Variants in CDC27 observed in about 807,000 individuals in gnomAD.
The protein encoded by CDC27 is cell division cycle 27.
CDC27 carries 27 observed loss-of-function variants against 109.7 expected under a neutral mutation model. The observed-to-expected ratio is 0.25, with a 90% CI of 0.18 to 0.34. The LOEUF is 0.34. Ranked by LOEUF, CDC27 falls within the 10% of genes least tolerant of loss-of-function variation. The pLI is 1.00. For missense variants in CDC27, 579 were observed against 960.2 expected (o/e 0.60, Z 5.25); for synonymous variants, 266 against 333.9 (o/e 0.80, Z 2.22).
chr17:47,189,209 G>A lies in CDC27; in HGVS notation c.-37C>T, dbSNP rs747099686. 17 of 1,576,954 alleles carry A rather than the reference G, an allele frequency of 1.1e-5. No individual in the cohort carries two copies. The Admixed American group carries it at 2.3e-4, about 22-fold the overall frequency. On this transcript the variant is annotated 5_prime_UTR_variant, in exon 1 of 19. Coordinates refer to ENST00000066544, the MANE Select transcript of CDC27 (RefSeq NM_001256.6). ...AGGCCCACTTTCTGCAGTGCCTCAG[G>A]CCCCCCCTGTAGCGGCTCCGGCCCG...
Position 47,143,884 on chromosome 17 carries a change from T to A in CDC27, c.1169A>T (p.Lys390Met). The A allele has an allele frequency of 7.1e-7, 1 of 1,417,960 alleles. No homozygotes were observed. Among genetic ancestry groups the A allele is most frequent in the Non-Finnish European group, 9.4e-7 (1 of 1,068,594 alleles). 87.8% of individuals were successfully genotyped at this position (1,417,960 alleles called of 1,614,324 possible). The change falls in exon 10 of 19, where the codon AAG (lysine) becomes ATG (methionine). Residue 390 changes from lysine to methionine, a missense_variant and splice_region_variant. Lys to Met is a moderately conservative substitution (Grantham distance 95). Transcript: ENST00000066544. The stretch of plus-strand genomic sequence containing the variant: ...GACATACAGAAATCTTTAAATTACC[T>A]TGGTTGTGGAGCTGTCACTAGTAAA... ...RLFTSDSSTT[K>M]ENSKKLKMKF...
intron 16 of CDC27, among the ~76,000 whole-genome samples, chr17:47,128,813 C>CAGGCTGGA (rs2062229881): frequency 1.3e-5 from 2 of 151,016 alleles, no homozygotes; most frequent in Admixed American, 1.3e-4. Flanking sequence ...CTCTGTCGCC[C>CAGGCTGGA]AGGCTGGAGA....
intron 12 of CDC27, among the ~76,000 whole-genome samples, chr17:47,140,857 T>C (rs1430947204): frequency 6.6e-6 from 1 of 152,218 alleles, no homozygotes; most frequent in Non-Finnish European, 1.5e-5. Context: ...TCTGTATGTA[T>C]TCCCTGTGGG....
intron 4 of CDC27, among the ~76,000 whole-genome samples, chr17:47,164,251 G>A (rs961174990): frequency 6.6e-6 from 1 of 152,148 alleles, no homozygotes; most frequent in Non-Finnish European, 1.5e-5. Context: ...CTAGGTTTGT[G>A]CATATGCACT....
rs1465690217 is a variant in CDC27, at chr17:47,120,398, G to A, written c.*537C>T. 1 of 153,288 alleles carries A rather than the reference G, an allele frequency of 6.5e-6. No individual in the cohort carries two copies. Among genetic ancestry groups the A allele is most frequent in the African/African-American group, 2.4e-5 (1 of 41,452 alleles). The allele number at this position is 153,288 out of a possible 1,614,324, so 9.5% of individuals were successfully genotyped here. A position where few individuals can be genotyped will look rare whatever the true frequency, so the allele number is the denominator to read the frequency against. On this transcript the variant is annotated 3_prime_UTR_variant, in exon 19 of 19. Transcript: ENST00000066544. ...ATTACATTTGTTTATGGGAGATACT[G>A]CAAGTTTAAGGTAATTTACATTCCT...
chr17:47,156,818 A>T (rs2063321034), intron 7 of CDC27, 95 bp downstream of exon 7: 6 of 466,002 alleles, frequency 1.3e-5, no homozygotes, highest in Admixed American at 7.8e-5. Context: ...GTGATTTAGA[A>T]GTTGCTGTTG....
chr17:47,124,835 G>C (rs185200438), intron 16 of CDC27, among the ~76,000 whole-genome samples: 41 of 152,270 alleles, frequency 2.7e-4, no homozygotes, highest in Non-Finnish European at 4.7e-4. Context: ...TGTAAAAATA[G>C]CTTTGACCTC....
At chr17:47,136,141 CAAAAA>C (rs2062580187) in intron 14 of CDC27, among the ~76,000 whole-genome samples, 1 of 150,544 alleles carries the variant, frequency 6.6e-6, no homozygotes, top group Admixed American at 6.6e-5. Context: ...GACTCTGCCT[CAAAAA>C]ACAAACAAAC....
intron 4 of CDC27, chr17:47,160,993 C>T (rs1183051528): frequency 6.6e-6 from 1 of 151,756 alleles, no homozygotes; most frequent in Non-Finnish European, 1.5e-5. Context: ...AGGATGCAGA[C>T]TTTTGGAAAA....
intron 12 of CDC27, among the ~76,000 whole-genome samples, chr17:47,141,016 T>A (rs999271203): frequency 9.2e-5 from 14 of 152,204 alleles, no homozygotes; most frequent in African/African-American, 3.1e-4. Flanking sequence ...TTGCTACCTG[T>A]TCTTATACAT....
At chr17:47,159,419 AC>A in intron 4 of CDC27, 3 of 995,732 alleles carry the variant, frequency 3.0e-6, no homozygotes, top group East Asian at 2.7e-5. Context: ...AGTCATCGAT[AC>A]CAGTCATCAT....
chr17:47,132,822 T>G (rs1304968448), intron 14 of CDC27, among the ~76,000 whole-genome samples: 1 of 144,814 alleles, frequency 6.9e-6, no homozygotes, highest in Non-Finnish European at 1.5e-5. Flanking sequence ...TAGGCTGGAG[T>G]GCAGTGGCTC....
At chr17:47,149,756 G>C (rs551316770) in intron 9 of CDC27, among the ~76,000 whole-genome samples, 11 of 151,686 alleles carry the variant, frequency 7.3e-5, no homozygotes, top group African/African-American at 2.7e-4. Context: ...GGAGTTTGAC[G>C]CTAGCCTGGC....
chr17:47,189,134 G>C lies in CDC27; in HGVS notation c.27+12C>G. On this transcript the variant is annotated intron_variant, in intron 1 of 18. Coordinates refer to ENST00000066544, the MANE Select transcript of CDC27 (RefSeq NM_001256.6). The stretch of plus-strand genomic sequence containing the variant: ...CTGCCAGCCAAGCCCCAGAGAAGAA[G>C]GTTATCATTACCTGGACGGGTTCCT... The C allele has an allele frequency of 6.2e-7, 1 of 1,612,992 alleles. No individual in the cohort carries two copies. The highest frequency in any genetic ancestry group is 8.5e-7 in the Non-Finnish European group (1 of 1,178,992).
intron 14 of CDC27, among the ~76,000 whole-genome samples, chr17:47,136,793 C>T (rs1009981758): frequency 6.6e-6 from 1 of 152,064 alleles, no homozygotes; most frequent in Non-Finnish European, 1.5e-5. Context: ...TTATGCTATT[C>T]CTTTCCAATT....
rs1355998256 is a variant in CDC27 at position 47,181,611 on chromosome 17, G to A, written c.54C>T (p.His18=). Residue 18 remains histidine, a synonymous_variant, in exon 2 of 19, where the codon CAC becomes CAT. Coordinates refer to ENST00000066544, the MANE Select transcript of CDC27 (RefSeq NM_001256.6). ...VQAAIWQALN[H]YAYRDAVFLA... is the part of the protein sequence containing the mutation. ...GGAAAACCGCATCTCGGTAAGCATAGTGGTTTAGTGCTTGCCATATAGCAG... is the reference window on the plus strand; with the variant it reads ...GGAAAACCGCATCTCGGTAAGCATAATGGTTTAGTGCTTGCCATATAGCAG... 6.2e-7 allele frequency: 1 copy of A among 1,607,624 alleles called. No homozygotes were observed. Among genetic ancestry groups the A allele is most frequent in the Admixed American group, 1.7e-5 (1 of 59,946 alleles).
At chr17:47,130,396 AG>A (rs2148816977) in intron 15 of CDC27, among the ~76,000 whole-genome samples, 1 of 152,282 alleles carries the variant, frequency 6.6e-6, no homozygotes, top group East Asian at 1.9e-4. Context: ...GAGAAAAAAA[AG>A]AAAAATGATT....
intron 8 of CDC27, 83 bp from the exon 9 acceptor site, chr17:47,152,001 A>G (rs1365712876): frequency 7.9e-7 from 1 of 1,266,772 alleles, no homozygotes; most frequent in African/African-American, 1.5e-5. Flanking sequence ...TCCCATCTAC[A>G]TTTTCTCAAT....
rs55717332 is a variant in CDC27 at position 47,133,106 on chromosome 17, C to CATATATATAT, written c.1914-742_1914-733dup. On this transcript the variant is annotated intron_variant, in intron 14 of 18. Transcript: ENST00000066544. ...ACACAAACACACACACACAAATATA[C>CATATATATAT]ATATATATATATATATATATATATA... 3.0e-4 allele frequency among the ~76,000 whole-genome samples: 29 copies of CATATATATAT among 98,008 alleles called. 1 individual carries two copies. The South Asian group carries it at 6.0e-3, about 20-fold the overall frequency. The allele number at this position is 98,008 out of a possible 152,430, so 64.3% of individuals were successfully genotyped here.
Sources: allele counts gnomAD v4.1 joint callset (sites outside exome capture counted in the v4.1 genomes callset), GRCh38; gene constraint gnomAD v4.1.1; transcripts MANE v1.5; gene names NCBI Gene and HGNC (gene_info 2026-07-23, HGNC 2026-07-21).